Variants in FRMPD4 observed in about 807,000 individuals in gnomAD.
FRMPD4 encodes the protein FERM and PDZ domain containing 4, also known as FERM and PDZ domain-containing protein 4.
A neutral mutation model predicts 94.1 loss-of-function variants in FRMPD4; 22 were observed. The observed-to-expected ratio is 0.23, with a 90% CI of 0.17 to 0.33. The LOEUF (loss-of-function observed/expected upper bound fraction) is 0.33, where lower values mean the gene tolerates loss of function less well. Among genes scored for constraint, FRMPD4 ranks in the 10% least tolerant of loss-of-function variants. FRMPD4 has a pLI of 1.00. For synonymous variants in FRMPD4, 631 were observed against 548.6 expected (o/e 1.15, Z -2.10); for missense variants, 1,111 against 1,339.9 (o/e 0.83, Z 2.67).
chrX:12,018,582 A>C (rs964048742), intron 3 of FRMPD4, among the ~76,000 whole-genome samples: 2 of 109,290 alleles, frequency 1.8e-5, no homozygotes, highest in African/African-American at 3.3e-5. Flanking sequence ...CACCCAGGTA[A>C]TTTTTGTATT....
At chrX:12,697,541 A>G (rs1298432672) in intron 9 of FRMPD4, among the ~76,000 whole-genome samples, 4 of 112,684 alleles carry the variant, frequency 3.5e-5, no homozygotes, top group African/African-American at 1.3e-4. Flanking sequence ...TTGCATTTAT[A>G]AAAGAACAAT....
chrX:12,612,123 G>A (rs190657343), intron 3 of FRMPD4, among the ~76,000 whole-genome samples: 1 of 111,297 alleles, frequency 9.0e-6, no homozygotes, highest in African/African-American at 3.3e-5. Context: ...TTCCTAAATG[G>A]AATAATATTT....
chrX:11,847,887 T>A, intron 1 of FRMPD4, among the ~76,000 whole-genome samples: 1 of 45,518 alleles, frequency 2.2e-5, no homozygotes. Context: ...TGTTGTGGGG[T>A]CGGGGGAGGG....
chrX:12,071,386 A>G (rs2054967193), intron 3 of FRMPD4, among the ~76,000 whole-genome samples: 2 of 112,075 alleles, frequency 1.8e-5, no homozygotes, highest in African/African-American at 3.2e-5. Flanking sequence ...TACACAAACC[A>G]AAGCATCTGA....
rs931305354 is a variant in FRMPD4 at position 12,683,497 on chromosome X, A to C, written c.483A>C (p.Ala161=). The C allele has an allele frequency of 2.6e-6, 3 of 1,138,680 alleles. 1 individual carries two copies. The allele number at this position is 1,138,680 out of a possible 1,213,427, so 93.8% of individuals were successfully genotyped here. A position where few individuals can be genotyped will look rare whatever the true frequency, so the allele number is the denominator to read the frequency against. Residue 161 remains alanine, a synonymous_variant, in exon 6 of 17, where the codon GCA becomes GCC. Transcript: ENST00000675598. ...VIQPYPSPKS[A]FISAAKKARL... ...TTTTCTTCTAGTCTCCCAAATCAGCATTTATTAGTGCTGCAAAAAAGGCAA... is the reference window on the plus strand; with the variant it reads ...TTTTCTTCTAGTCTCCCAAATCAGCCTTTATTAGTGCTGCAAAAAAGGCAA...
chrX:12,536,354 G>GAA (rs11308998), intron 2 of FRMPD4, among the ~76,000 whole-genome samples: 6 of 102,457 alleles, frequency 5.9e-5, no homozygotes, highest in Non-Finnish European at 1.2e-4. Flanking sequence ...CTGTTATAAG[G>GAA]AAAAAAAAAA....
intron 2 of FRMPD4, among the ~76,000 whole-genome samples, chrX:12,569,330 A>G (rs970091790): frequency 1.8e-5 from 2 of 112,236 alleles, no homozygotes; most frequent in East Asian, 5.5e-4. Context: ...AAATTTCAGT[A>G]TAGAAAATTA....
intron 3 of FRMPD4, among the ~76,000 whole-genome samples, chrX:12,072,930 T>C (rs1260983276): frequency 9.3e-6 from 1 of 107,728 alleles, no homozygotes; most frequent in Non-Finnish European, 1.9e-5. Context: ...TATATATATA[T>C]GTATATATAT....
intron 2 of FRMPD4, among the ~76,000 whole-genome samples, chrX:12,552,775 T>C (rs1475402267): frequency 1.8e-5 from 2 of 112,744 alleles, no homozygotes; most frequent in African/African-American, 6.4e-5. Flanking sequence ...TCCCTGTCTC[T>C]TCCCCATAGG....
At chrX:12,654,671 C>T (rs956867731) in intron 4 of FRMPD4, among the ~76,000 whole-genome samples, 2 of 111,363 alleles carry the variant, frequency 1.8e-5, no homozygotes, top group South Asian at 3.8e-4. Context: ...TCCCTGAGTT[C>T]GGCATCCTCT....
chrX:12,700,466 G>C (rs1316414557), intron 9 of FRMPD4, among the ~76,000 whole-genome samples: 1 of 112,100 alleles, frequency 8.9e-6, no homozygotes, highest in Non-Finnish European at 1.9e-5. Flanking sequence ...AGCAGTAAGT[G>C]AGGATACTAC....
intron 1 of FRMPD4, among the ~76,000 whole-genome samples, chrX:12,366,044 T>A (rs1232908000): frequency 1.8e-5 from 2 of 112,134 alleles, no homozygotes; most frequent in Non-Finnish European, 3.8e-5. Context: ...GTGTTTTGCC[T>A]TATGATAGGG....
intron 1 of FRMPD4, among the ~76,000 whole-genome samples, chrX:12,281,704 G>A: frequency 8.9e-6 from 1 of 111,905 alleles, no homozygotes; most frequent in Non-Finnish European, 1.9e-5. Context: ...TTCCAGCCTA[G>A]CAAACTTTTG....
At chrX:12,415,899 C>A (rs1333981715) in intron 1 of FRMPD4, among the ~76,000 whole-genome samples, 1 of 112,040 alleles carries the variant, frequency 8.9e-6, no homozygotes, top group Non-Finnish European at 1.9e-5. Context: ...GTATTATTTG[C>A]GATTATCAGC....
chrX:12,476,754 A>T (rs1315733613), intron 1 of FRMPD4, among the ~76,000 whole-genome samples: 14 of 111,863 alleles, frequency 1.3e-4, no homozygotes, highest in Admixed American at 1.2e-3. Context: ...GCAAATCAAA[A>T]CCACAATGAG....
intron 1 of FRMPD4, among the ~76,000 whole-genome samples, chrX:12,406,004 G>A (rs1433099612): frequency 1.8e-5 from 2 of 111,352 alleles, no homozygotes; most frequent in Non-Finnish European, 3.8e-5. Context: ...CTCCGATTAT[G>A]CTAGAGGTCC....
chrX:12,577,898 A>T (rs981066386), intron 2 of FRMPD4, among the ~76,000 whole-genome samples: 1 of 112,406 alleles, frequency 8.9e-6, no homozygotes, highest in Admixed American at 9.4e-5. Context: ...AATACCAACG[A>T]TTGGGTGGCT....
At chrX:12,306,518 C>T (rs2054945303) in intron 1 of FRMPD4, among the ~76,000 whole-genome samples, 1 of 112,114 alleles carries the variant, frequency 8.9e-6, no homozygotes, top group Non-Finnish European at 1.9e-5. Context: ...AATTCAATGT[C>T]TTTTAAAGCA....
At chrX:12,278,878 G>T (rs1226735245) in intron 1 of FRMPD4, among the ~76,000 whole-genome samples, 4 of 112,250 alleles carry the variant, frequency 3.6e-5, no homozygotes, top group South Asian at 3.8e-4. Flanking sequence ...TCCCCAGCTA[G>T]ACTAAGTTCA....
Sources: gnomAD v4.1 joint callset for allele counts (sites outside exome capture counted in the v4.1 genomes callset) on GRCh38, gnomAD v4.1.1 for gene constraint, MANE v1.5 for transcripts, NCBI Gene and HGNC (gene_info 2026-07-23, HGNC 2026-07-21) for gene names.